The following ADAMTS19 variants were observed in gnomAD, a reference collection of about 807,000 sequenced individuals.
The protein encoded by ADAMTS19 is A disintegrin and metalloproteinase with thrombospondin motifs 19.
In ADAMTS19, 93 loss-of-function variants were observed where a neutral mutation model predicts 153.3. The ratio of observed to expected loss-of-function variants is 0.61; its 90% CI spans 0.51 to 0.72. The LOEUF (loss-of-function observed/expected upper bound fraction) is 0.72, where lower values mean the gene tolerates loss of function less well. Among genes scored for constraint, ADAMTS19 ranks in the 30% least tolerant of loss-of-function variants. The pLI, the probability that ADAMTS19 is intolerant of heterozygous loss-of-function variation, is 0.00. For missense variants in ADAMTS19, 1,482 were observed against 1,552.1 expected (o/e 0.95, Z 0.76); for synonymous variants, 600 against 556.6 (o/e 1.08, Z -1.10).
intron 8 of ADAMTS19, among the ~76,000 whole-genome samples, chr5:129,609,540 T>G (rs981069114): frequency 7.2e-5 from 11 of 152,314 alleles, no homozygotes; most frequent in Middle Eastern, 3.4e-3. Context: ...TTAACCAGAT[T>G]GACAGGAAGT....
At chr5:129,637,571 G>A (rs528033802) in intron 10 of ADAMTS19, among the ~76,000 whole-genome samples, 22 of 152,162 alleles carry the variant, frequency 1.4e-4, no homozygotes, top group African/African-American at 4.6e-4. Flanking sequence ...AATGCCAGGC[G>A]CGGTGGCTCA....
At chr5:129,541,763 C>T (rs1752661489) in intron 6 of ADAMTS19, among the ~76,000 whole-genome samples, 1 of 151,888 alleles carries the variant, frequency 6.6e-6, no homozygotes, top group South Asian at 2.1e-4. Flanking sequence ...CTTAATGTAT[C>T]CCACAATATT....
At chr5:129,720,805 A>G (rs1756972977) in intron 21 of ADAMTS19, among the ~76,000 whole-genome samples, 1 of 152,280 alleles carries the variant, frequency 6.6e-6, no homozygotes, top group Admixed American at 6.5e-5. Context: ...GTTTAGTGAA[A>G]TGAAGTTGTT....
chr5:129,587,498 A>G (rs1749875118), intron 7 of ADAMTS19, among the ~76,000 whole-genome samples: 1 of 152,126 alleles, frequency 6.6e-6, no homozygotes, highest in African/African-American at 2.4e-5. Flanking sequence ...GTTCCAGATG[A>G]TATTATTATA....
At chr5:129,733,022 A>G (rs1757508377) in intron 21 of ADAMTS19, among the ~76,000 whole-genome samples, 1 of 152,058 alleles carries the variant, frequency 6.6e-6, no homozygotes, top group Admixed American at 6.6e-5. Context: ...TAGCCAACTG[A>G]TCTTCAACAG....
intron 8 of ADAMTS19, among the ~76,000 whole-genome samples, chr5:129,600,275 G>A (rs1750586579): frequency 6.6e-6 from 1 of 152,066 alleles, no homozygotes; most frequent in Admixed American, 6.6e-5. Context: ...TAAGAGCTAT[G>A]TAAGTGAAAC....
chr5:129,614,192 C>T (rs185999154), intron 8 of ADAMTS19, among the ~76,000 whole-genome samples: 1 of 152,128 alleles, frequency 6.6e-6, no homozygotes, highest in East Asian at 1.9e-4. Context: ...TTTATGAGGC[C>T]AGCATCATCA....
At chr5:129,539,174 C>T (rs1752567628) in intron 6 of ADAMTS19, among the ~76,000 whole-genome samples, 1 of 152,082 alleles carries the variant, frequency 6.6e-6, no homozygotes, top group African/African-American at 2.4e-5. Context: ...TGCCATCTTA[C>T]ATGGCAAGGG....
chr5:129,684,033 T>G, intron 17 of ADAMTS19, 87 bp from the exon 18 acceptor site: 1 of 1,382,572 alleles, frequency 7.2e-7, no homozygotes, highest in Non-Finnish European at 9.8e-7. Flanking sequence ...AATGAGCATT[T>G]TAAGTATCAA....
Position 129,518,116 on chromosome 5 carries a change from CTTTT to C in ADAMTS19, c.914-8164_914-8161del, listed in dbSNP as rs1249946287. Among the ~76,000 whole-genome samples the C allele has an allele frequency of 3.9e-5, 6 of 151,960 alleles. No homozygotes were observed. In the East Asian group the frequency reaches 9.6e-4, roughly 24 times the overall value. The stretch of plus-strand genomic sequence containing the variant: ...TAACTTTGTACCCCAACTTTTTAAA[CTTTT>C]TTTGTTTCTATTTATATCTTTGTAC... On this transcript the variant is annotated intron_variant, in intron 3 of 22. Coordinates refer to ENST00000274487, the MANE Select transcript of ADAMTS19 (RefSeq NM_133638.6).
chr5:129,738,515 C>G lies in ADAMTS19; in HGVS notation c.*1297C>G, dbSNP rs1757769170. The stretch of plus-strand genomic sequence containing the variant: ...TTCTCATTATAAAAGTTTCAGGTTC[C>G]CTAAAATTGGGGTTTCTTTACTATA... On this transcript the variant is annotated 3_prime_UTR_variant, in exon 23 of 23. Transcript: ENST00000274487. The G allele has an allele frequency of 6.6e-6, 1 of 151,958 alleles. No individual in the cohort carries two copies. Among genetic ancestry groups the G allele is most frequent in the African/African-American group, 2.4e-5 (1 of 41,376 alleles). 9.4% of individuals were successfully genotyped at this position (151,958 alleles called of 1,614,324 possible).
At chr5:129,521,643 G>A (rs763995186) in intron 3 of ADAMTS19, among the ~76,000 whole-genome samples, 16 of 152,166 alleles carry the variant, frequency 1.1e-4, no homozygotes, top group Admixed American at 3.9e-4. Context: ...TCTATACTTC[G>A]TCTAGCTTCT....
chr5:129,568,321 T>G (rs917710720), intron 7 of ADAMTS19, among the ~76,000 whole-genome samples: 5 of 151,858 alleles, frequency 3.3e-5, no homozygotes, highest in African/African-American at 1.2e-4. Context: ...GAGTCCATGA[T>G]GTATAGTAGA....
intron 16 of ADAMTS19, 56 bp downstream of exon 16, chr5:129,665,635 T>A: frequency 7.5e-7 from 1 of 1,341,388 alleles, no homozygotes. Flanking sequence ...CTCCCTGCCC[T>A]GAGAGTTCTA....
In ADAMTS19 at chr5:129,685,077, G is replaced by A. The variant is rs1421532808; in HGVS notation, c.2818+804G>A. On this transcript the variant is annotated intron_variant, in intron 18 of 22. Transcript: ENST00000274487. The stretch of plus-strand genomic sequence containing the variant: ...TTTGAAATGTCTGTTGGACATCTAA[G>A]TGTGATGTCAAGTAAGCAGTTAGGT... Among the ~76,000 whole-genome samples, 8 of 152,102 alleles carry A rather than the reference G, an allele frequency of 5.3e-5. 1 individual carries two copies. The highest frequency in any genetic ancestry group is 1.2e-4 in the Non-Finnish European group (8 of 67,998).
chr5:129,526,469 T>C lies in ADAMTS19; in HGVS notation c.1086+13T>C. On this transcript the variant is annotated intron_variant, in intron 4 of 22. Transcript: ENST00000274487. ...CATCTTAAATATGGTAGGCAAACTT[T>C]AAAGTGCGCTTGGAATTTTTTCAAG... 1 of 1,579,072 alleles carries C rather than the reference T, an allele frequency of 6.3e-7. No homozygotes were observed. Among genetic ancestry groups the C allele is most frequent in the Non-Finnish European group, 8.6e-7 (1 of 1,168,322 alleles).
chr5:129,641,801 C>T, intron 10 of ADAMTS19, 58 bp from the exon 11 acceptor site: 1 of 1,093,110 alleles, frequency 9.1e-7, no homozygotes, highest in Non-Finnish European at 1.3e-6. Flanking sequence ...CAATGATTGG[C>T]TTCACTTAAA....
rs567319417 is a variant in ADAMTS19 at position 129,567,497 on chromosome 5, GT to G, written c.1372+15591del. ...ATGAATGGAAGGGTAGAAAGTCTTA[GT>G]AAATAAATAGAAAGAAAAAGCAAAT... is the stretch of plus-strand genomic sequence containing the variant. On this transcript the variant is annotated intron_variant, in intron 7 of 22. Coordinates refer to ENST00000274487, the MANE Select transcript of ADAMTS19 (RefSeq NM_133638.6). Among the ~76,000 whole-genome samples the G allele has an allele frequency of 2.6e-4, 39 of 152,180 alleles. 2 individuals are homozygous for G. In the South Asian group the frequency reaches 7.7e-3, roughly 30 times the overall value.
At chr5:129,715,137 T>C (rs554724923) in intron 21 of ADAMTS19, among the ~76,000 whole-genome samples, 7 of 152,182 alleles carry the variant, frequency 4.6e-5, no homozygotes, top group Non-Finnish European at 7.4e-5. Flanking sequence ...ACAAAGAACA[T>C]TTTATTTGAA....
Sources: gnomAD v4.1 joint callset for allele counts (sites outside exome capture counted in the v4.1 genomes callset) on GRCh38, gnomAD v4.1.1 for gene constraint, MANE v1.5 for transcripts, NCBI Gene and HGNC (gene_info 2026-07-23, HGNC 2026-07-21) for gene names.